F5: variants seen among roughly 807,000 people sequenced by gnomAD.
The protein encoded by F5 is activated protein c cofactor.
In F5, 138 loss-of-function variants were observed where a neutral mutation model predicts 216.4. The observed-to-expected ratio is 0.64, with a 90% CI of 0.56 to 0.73. The LOEUF is 0.73. Ranked by LOEUF, F5 falls within the 30% of genes least tolerant of loss-of-function variation. The probability of loss-of-function intolerance (pLI) is 0.00; values close to 1 mark genes in which losing one functional copy is unlikely to be tolerated. For missense variants in F5, 2,403 were observed against 2,674.0 expected (o/e 0.90, Z 2.24); for synonymous variants, 916 against 930.7 (o/e 0.98, Z 0.29).
In F5 at chr1:169,512,909, C is replaced by T. The variant is rs950549168; in HGVS notation, c.*1404G>A. Among the ~76,000 whole-genome samples, 7 of 152,012 alleles carry T rather than the reference C, an allele frequency of 4.6e-5. No individual in the cohort carries two copies. Among genetic ancestry groups the T allele is most frequent in the Admixed American group, 1.3e-4 (2 of 15,220 alleles). On this transcript the variant is annotated 3_prime_UTR_variant, in exon 25 of 25. Transcript: ENST00000367797. The stretch of plus-strand genomic sequence containing the variant: ...ACTGGCCTGTAATTTGTGTTCACAA[C>T]GAATAGAATGCAGCAAAAGCAAAGC...
chr1:169,526,864 TTAA>T (rs1321683960), intron 17 of F5, among the ~76,000 whole-genome samples: 1 of 150,896 alleles, frequency 6.6e-6, no homozygotes, highest in Non-Finnish European at 1.5e-5. Flanking sequence ...AAATTATCTA[TTAA>T]TTATTATATT....
chr1:169,549,746 T>C, intron 10 of F5, 55 bp downstream of exon 10: 3 of 1,377,306 alleles, frequency 2.2e-6, no homozygotes, highest in South Asian at 2.4e-5. Flanking sequence ...CCTAACATGT[T>C]CTAGCCAGAA....
chr1:169,572,475 T>G, intron 2 of F5, 132 bp from the exon 3 acceptor site: 1 of 1,052,166 alleles, frequency 9.5e-7, no homozygotes, highest in Non-Finnish European at 1.4e-6. Flanking sequence ...CTGACTCACT[T>G]ATTTTCAATC....
Position 169,555,294 on chromosome 1 carries a change from G to T in F5, c.1006C>A (p.Leu336Ile). ...CTCTGCTCACGAGTTATTTTCTTAA[G>T]ATTCCTGGTTTTCTTTGGGCAGTTT... ...IKNCPKKTRN[L>I]KKITREQRRH... Residue 336 changes from leucine (L) to isoleucine (I), a missense_variant, in exon 7 of 25, where the codon CTT becomes ATT. Around this residue, in one of 4 missense-constraint regions of F5, gnomAD observed 1,425 missense variants for 1,554.8 expected, o/e 0.92. Coordinates refer to ENST00000367797, the MANE Select transcript of F5 (RefSeq NM_000130.5). 1 of 1,614,052 alleles carries T rather than the reference G, an allele frequency of 6.2e-7. No homozygotes were observed. The highest frequency in any genetic ancestry group is 8.5e-7 in the Non-Finnish European group (1 of 1,180,000).
chr1:169,540,752 G>A lies in F5; in HGVS notation c.4338C>T (p.Thr1446=). The change falls in exon 13 of 25, where the codon ACC becomes ACT. Residue 1446 remains threonine, a synonymous_variant. Transcript: ENST00000367797. ...ATATCTGGCTGAGATCCGGGAGAAGGGTGGTGTCACTGATGTCTGGAGAGA... is the reference window on the plus strand; with the variant it reads ...ATATCTGGCTGAGATCCGGGAGAAGAGTGGTGTCACTGATGTCTGGAGAGA... ...VTLSPDISDT[T]LLPDLSQISP... 6.2e-7 allele frequency: 1 copy of A among 1,614,024 alleles called. No homozygotes were observed. The highest frequency in any genetic ancestry group is 8.5e-7 in the Non-Finnish European group (1 of 1,179,970).
At chr1:169,536,440 C>G in intron 14 of F5, 66 bp downstream of exon 14, 1 of 1,400,666 alleles carries the variant, frequency 7.1e-7, no homozygotes, top group Non-Finnish European at 1.0e-6. Context: ...GCCACCTGCA[C>G]CTTTACAACC....
chr1:169,551,513 G>A (rs1660168060), intron 8 of F5, among the ~76,000 whole-genome samples: 1 of 152,148 alleles, frequency 6.6e-6, no homozygotes, highest in East Asian at 1.9e-4. Context: ...TTTTAATAAG[G>A]TATGTCTACA....
chr1:169,572,565 C>G lies in F5; in HGVS notation c.251-222G>C, dbSNP rs9332525. ...GAATGGTAGAAACACTTGTCCTGGACCCAAAAGAAGTCAACAGAGTAGGAG... is the reference window on the plus strand; with the variant it reads ...GAATGGTAGAAACACTTGTCCTGGAGCCAAAAGAAGTCAACAGAGTAGGAG... On this transcript the variant is annotated intron_variant, in intron 2 of 24. Transcript: ENST00000367797. Among the ~76,000 whole-genome samples, 2,334 of 152,278 alleles carry G rather than the reference C, an allele frequency of 0.015. 20 individuals carry two copies. The highest frequency in any genetic ancestry group is 0.023 in the Non-Finnish European group (1,542 of 68,016).
At chr1:169,580,599 G>A (rs1251219292) in intron 2 of F5, among the ~76,000 whole-genome samples, 1 of 152,020 alleles carries the variant, frequency 6.6e-6, no homozygotes, top group Non-Finnish European at 1.5e-5. Context: ...GGCCAGGCTG[G>A]TCTGGAACTC....
rs370927080 is a variant in F5, at chr1:169,542,255, C to T, written c.2835G>A (p.Gly945=). 2.4e-4 allele frequency: 391 copies of T among 1,614,096 alleles called. No individual in the cohort carries two copies. The highest frequency in any genetic ancestry group is 9.9e-4 in the Middle Eastern group (6 of 6,062). ...KQSNSSKILV[G]RWHLASEKGS... Reference sequence around the variant, plus strand: ...CTTTCTCAGAAGCCAAATGCCATCTCCCAACCAAAATCTTAGATGAGTTAC... The same window carrying T: ...CTTTCTCAGAAGCCAAATGCCATCTTCCAACCAAAATCTTAGATGAGTTAC... The change falls in exon 13 of 25, where the codon GGG becomes GGA. Residue 945 remains glycine (G), a synonymous_variant. Transcript: ENST00000367797.
At position 169,541,869 on chromosome 1, in the gene F5, T is replaced by C. The variant is rs200269019; in HGVS notation, c.3221A>G (p.Asn1074Ser). 306 of 1,613,976 alleles carry C rather than the reference T, an allele frequency of 1.9e-4. No individual in the cohort carries two copies. The highest frequency in any genetic ancestry group is 2.4e-4 in the Non-Finnish European group (283 of 1,179,982). The change falls in exon 13 of 25, where the codon AAT becomes AGT. Residue 1074 changes from asparagine (N) to serine (S), a missense_variant. By Grantham distance (46) the Asn-to-Ser change is conservative. Transcript: ENST00000367797. ...LKHSLVLHKS[N>S]ETSLPTDLNQ... ...GAGGTCTGTGGGAAGAGATGTTTCATTGGATTTATGAAGCACCAACGAATG... is the reference window on the plus strand; with the variant it reads ...GAGGTCTGTGGGAAGAGATGTTTCACTGGATTTATGAAGCACCAACGAATG...
chr1:169,559,676 T>C lies in F5; in HGVS notation c.587-380A>G, dbSNP rs941655034. On this transcript the variant is annotated intron_variant, in intron 4 of 24. Transcript: ENST00000367797. ...CCAAGTTTAATGCTGTCATCTTATTTGTATATGAAAGGGGGCATTAGATAA... is the reference window on the plus strand; with the variant it reads ...CCAAGTTTAATGCTGTCATCTTATTCGTATATGAAAGGGGGCATTAGATAA... 3.3e-5 allele frequency among the ~76,000 whole-genome samples: 5 copies of C among 152,274 alleles called. No individual in the cohort carries two copies. The East Asian group carries it at 9.7e-4, about 29-fold the overall frequency.
intron 8 of F5, 53 bp from the exon 9 acceptor site, chr1:169,550,792 A>G: frequency 7.7e-7 from 1 of 1,300,494 alleles, no homozygotes; most frequent in East Asian, 2.3e-5. Context: ...CATGACAAAT[A>G]ATATAAGATA....
chr1:169,551,287 A>G lies in F5; in HGVS notation c.1297-548T>C, dbSNP rs186003906. 7.2e-5 allele frequency among the ~76,000 whole-genome samples: 11 copies of G among 152,248 alleles called. No individual in the cohort carries two copies. The East Asian group carries it at 1.9e-3, about 27-fold the overall frequency. The stretch of plus-strand genomic sequence containing the variant: ...AACATGGTGAAACCTCATCTCTACA[A>G]AAAAATACAAAAATTAGCCAGGCGT... On this transcript the variant is annotated intron_variant, in intron 8 of 24. Coordinates refer to ENST00000367797, the MANE Select transcript of F5 (RefSeq NM_000130.5).
intron 10 of F5, among the ~76,000 whole-genome samples, chr1:169,547,322 A>G (rs1186898996): frequency 6.6e-6 from 1 of 152,252 alleles, no homozygotes; most frequent in Non-Finnish European, 1.5e-5. Flanking sequence ...CAATAGCAAC[A>G]AAAGCAAAAA....
chr1:169,579,289 G>A (rs1289366764), intron 2 of F5, among the ~76,000 whole-genome samples: 1 of 152,060 alleles, frequency 6.6e-6, no homozygotes, highest in African/African-American at 2.4e-5. Context: ...CCCTGAACAG[G>A]CTTTCTCAAG....
At chr1:169,553,805 C>T (rs958460883) in intron 7 of F5, among the ~76,000 whole-genome samples, 1 of 152,112 alleles carries the variant, frequency 6.6e-6, no homozygotes, top group African/African-American at 2.4e-5. Context: ...AGAAGAGATG[C>T]TGGCAAGGTC....
intron 19 of F5, among the ~76,000 whole-genome samples, 187 bp downstream of exon 19, chr1:169,524,650 T>G (rs981200272): frequency 6.6e-6 from 1 of 152,186 alleles, no homozygotes; most frequent in Admixed American, 6.5e-5. Flanking sequence ...GGCCTTTAGC[T>G]CCTACCATAG....
intron 3 of F5, among the ~76,000 whole-genome samples, chr1:169,569,596 A>G (rs1405563779): frequency 1.3e-5 from 2 of 152,088 alleles, no homozygotes; most frequent in Non-Finnish European, 2.9e-5. Flanking sequence ...GAAACCCTTT[A>G]GTGACAGCTT....
Sources: allele counts gnomAD v4.1 joint callset (sites outside exome capture counted in the v4.1 genomes callset), GRCh38; gene constraint gnomAD v4.1.1; regional missense constraint gnomAD v4.1.1; transcripts MANE v1.5; gene names NCBI Gene and HGNC (gene_info 2026-07-23, HGNC 2026-07-21).